The following SNTG2 variants were observed in gnomAD, a reference collection of about 807,000 sequenced individuals.
SNTG2 encodes gamma-2-syntrophin.
Under a neutral mutation model 70.9 loss-of-function variants are expected in SNTG2, and 74 were observed. The observed-to-expected ratio is 1.04, with a 90% CI of 0.86 to 1.27. SNTG2 has a LOEUF of 1.27. Ranked by LOEUF, SNTG2 falls within the 50% of genes most tolerant of loss-of-function variation. The pLI, the probability that SNTG2 is intolerant of heterozygous loss-of-function variation, is 0.00. For missense variants in SNTG2, 717 were observed against 690.7 expected (o/e 1.04, Z -0.43); for synonymous variants, 278 against 273.8 (o/e 1.02, Z -0.15).
chr2:1,089,030 G>A (rs551207220), intron 2 of SNTG2, among the ~76,000 whole-genome samples: 86 of 152,312 alleles, frequency 5.6e-4, no homozygotes, highest in African/African-American at 1.8e-3. Context: ...TCACAGGTAC[G>A]GGGCTGAAGG....
At position 1,097,755 on chromosome 2, in the gene SNTG2, A is replaced by G. The variant is rs1665489235; in HGVS notation, c.211-441A>G. ...ATATTGGTTGAAGATTGTCCTAAAC[A>G]CGGCTGACTTCAGCAGAGACGTACA... On this transcript the variant is annotated intron_variant, in intron 2 of 16. Coordinates refer to ENST00000308624, the MANE Select transcript of SNTG2 (RefSeq NM_018968.4). The surrounding 1 kb of genome is among the most constrained non-coding windows in gnomAD (Gnocchi z 4.1). 6.6e-6 allele frequency among the ~76,000 whole-genome samples: 1 copy of G among 152,070 alleles called. No individual in the cohort carries two copies. Among genetic ancestry groups the G allele is most frequent in the African/African-American group, 2.4e-5 (1 of 41,408 alleles).
At chr2:1,080,618 A>ATG (rs1050542060) in intron 1 of SNTG2, among the ~76,000 whole-genome samples, 4 of 127,204 alleles carry the variant, frequency 3.1e-5, no homozygotes, top group Admixed American at 1.6e-4. Context: ...TGTGTGTTGC[A>ATG]TGTGTGTGTG....
At chr2:1,039,880 G>T (rs1401000713) in intron 1 of SNTG2, among the ~76,000 whole-genome samples, 1 of 152,108 alleles carries the variant, frequency 6.6e-6, no homozygotes, top group African/African-American at 2.4e-5. Flanking sequence ...CCATCTTTCT[G>T]CAGACAGGAG....
At chr2:1,336,646 A>G (rs887619737) in intron 16 of SNTG2, among the ~76,000 whole-genome samples, 1 of 152,174 alleles carries the variant, frequency 6.6e-6, no homozygotes, top group African/African-American at 2.4e-5. Flanking sequence ...TATGGTGTGA[A>G]ATAAATATCT....
intron 8 of SNTG2, among the ~76,000 whole-genome samples, chr2:1,176,086 G>C (rs1671455855): frequency 6.6e-6 from 1 of 152,166 alleles, no homozygotes; most frequent in African/African-American, 2.4e-5. Context: ...GTCATCTTCA[G>C]ACATCCTCAT....
At chr2:1,317,775 T>C (rs112629445) in intron 16 of SNTG2, among the ~76,000 whole-genome samples, 2,876 of 148,562 alleles carry the variant, frequency 0.019, 743 homozygotes, top group African/African-American at 0.071. Context: ...TTGGAGAAGG[T>C]TGGGATTCTG....
intron 8 of SNTG2, among the ~76,000 whole-genome samples, chr2:1,201,441 C>T (rs1673269798): frequency 6.6e-6 from 1 of 151,480 alleles, no homozygotes; most frequent in African/African-American, 2.4e-5. Flanking sequence ...TACAAACATA[C>T]AATTAGATAG....
At chr2:964,397 G>A (rs544548511) in intron 1 of SNTG2, among the ~76,000 whole-genome samples, 33 of 152,262 alleles carry the variant, frequency 2.2e-4, no homozygotes, top group African/African-American at 7.9e-4. Flanking sequence ...GGTGCCTTTA[G>A]GATTTTTGCA....
intron 13 of SNTG2, chr2:1,262,957 T>G (rs1461231554): frequency 6.6e-6 from 1 of 152,262 alleles, no homozygotes; most frequent in East Asian, 1.9e-4. Context: ...AAGGTCTGAG[T>G]GATTGTTTTT....
intron 1 of SNTG2, among the ~76,000 whole-genome samples, chr2:1,031,801 ATGT>A (rs894955208): frequency 6.6e-6 from 1 of 151,964 alleles, no homozygotes; most frequent in African/African-American, 2.4e-5. Flanking sequence ...AAAAGACCTC[ATGT>A]TGTGTGATCC....
chr2:1,339,922 A>G (rs9326176), intron 16 of SNTG2, among the ~76,000 whole-genome samples: 5,442 of 152,258 alleles, frequency 0.036, 330 homozygotes, highest in African/African-American at 0.12. Flanking sequence ...TCTGCAGACT[A>G]GAAACTGCTT....
chr2:1,227,792 A>G (rs984646755), intron 9 of SNTG2, among the ~76,000 whole-genome samples: 16 of 152,242 alleles, frequency 1.1e-4, no homozygotes, highest in Admixed American at 4.6e-4. Flanking sequence ...AAATATAAAC[A>G]AGTTCCCTGG....
At chr2:969,424 G>T (rs1660669913) in intron 1 of SNTG2, among the ~76,000 whole-genome samples, 2 of 152,088 alleles carry the variant, frequency 1.3e-5, no homozygotes, top group Non-Finnish European at 2.9e-5. Flanking sequence ...TTGTTTGAAA[G>T]AAATAGCATT....
chr2:1,009,936 T>G (rs1402263965), intron 1 of SNTG2, among the ~76,000 whole-genome samples: 2 of 152,234 alleles, frequency 1.3e-5, no homozygotes, highest in Non-Finnish European at 2.9e-5. Context: ...TGCAAGATTC[T>G]CCATGTGTGC....
intron 15 of SNTG2, among the ~76,000 whole-genome samples, chr2:1,309,786 G>A (rs13430602): frequency 0.014 from 2,124 of 152,322 alleles, 47 homozygotes; most frequent in African/African-American, 0.047. Context: ...TAAGAAGAAG[G>A]GATTTCACAT....
intron 8 of SNTG2, among the ~76,000 whole-genome samples, chr2:1,186,069 G>T (rs1251328676): frequency 1.3e-5 from 2 of 152,178 alleles, no homozygotes; most frequent in South Asian, 4.1e-4. Flanking sequence ...TTGCTGCTCA[G>T]AAATTTCTTC....
intron 1 of SNTG2, among the ~76,000 whole-genome samples, chr2:1,037,443 G>A (rs936891454): frequency 6.6e-6 from 1 of 152,158 alleles, no homozygotes; most frequent in South Asian, 2.1e-4. Flanking sequence ...GCAGCCTTTG[G>A]CACAATAGGT....
chr2:1,077,317 C>T (rs1412938099), intron 1 of SNTG2, among the ~76,000 whole-genome samples: 2 of 152,186 alleles, frequency 1.3e-5, no homozygotes, highest in African/African-American at 2.4e-5. Context: ...CATGTCCGCA[C>T]GTCTTTGCTG....
intron 1 of SNTG2, among the ~76,000 whole-genome samples, chr2:1,035,991 CTG>C (rs1406895740): frequency 2.0e-5 from 3 of 152,120 alleles, no homozygotes; most frequent in Non-Finnish European, 4.4e-5. Flanking sequence ...ATTAATTTGA[CTG>C]GGATTTTTCT....
Sources: gnomAD v4.1 joint callset for allele counts (sites outside exome capture counted in the v4.1 genomes callset) on GRCh38, gnomAD v4.1.1 for gene constraint, Gnocchi (gnomAD v3.1) non-coding constraint, MANE v1.5 for transcripts, NCBI Gene and HGNC (gene_info 2026-07-23, HGNC 2026-07-21) for gene names.